GTF2H1: variants seen among roughly 807,000 people sequenced by gnomAD.
The protein encoded by GTF2H1 is BTF2 p62.
Under a neutral mutation model 71.2 loss-of-function variants are expected in GTF2H1, and 16 were observed. The ratio of observed to expected loss-of-function variants is 0.22; its 90% CI spans 0.15 to 0.34. GTF2H1 has a LOEUF of 0.34. GTF2H1 is among the 10% of genes least tolerant of loss of function. The pLI, the probability that GTF2H1 is intolerant of heterozygous loss-of-function variation, is 1.00. For synonymous variants in GTF2H1, 215 were observed against 219.0 expected (o/e 0.98, Z 0.16); for missense variants, 498 against 648.2 (o/e 0.77, Z 2.52).
chr11:18,365,087 A>AG (rs1413946456), intron 14 of GTF2H1, among the ~76,000 whole-genome samples: 3 of 151,100 alleles, frequency 2.0e-5, no homozygotes, highest in African/African-American at 7.3e-5. Context: ...AGAAAAAAAA[A>AG]AAAAACCTGG....
intron 2 of GTF2H1, among the ~76,000 whole-genome samples, chr11:18,334,542 G>T (rs1864979797): frequency 6.6e-6 from 1 of 152,210 alleles, no homozygotes; most frequent in African/African-American, 2.4e-5. Flanking sequence ...CGCACATTGT[G>T]ATAACCACAG....
chr11:18,347,610 C>T lies in GTF2H1; in HGVS notation c.860C>T (p.Pro287Leu). ...CAGGGCTATGGCATTTCCTCTGTGC[C>T]ATCTGCTTCCAATTCTAAATCCATA... ...LDEGYGISSV[P>L]SASNSKSIKE... Residue 287 changes from proline to leucine, a missense_variant, in exon 8 of 15, where the codon CCA becomes CTA. Pro to Leu is a moderately conservative substitution (Grantham distance 98). Around this residue, in one of 3 missense-constraint regions of GTF2H1, gnomAD observed 16 missense variants for 40.5 expected, o/e 0.40. Coordinates refer to ENST00000265963, the MANE Select transcript of GTF2H1 (RefSeq NM_005316.4). 6.2e-7 allele frequency: 1 copy of T among 1,610,588 alleles called. No homozygotes were observed. The highest frequency in any genetic ancestry group is 8.5e-7 in the Non-Finnish European group (1 of 1,177,214).
At chr11:18,336,057 TTTTG>T (rs1475477399) in intron 3 of GTF2H1, 111 bp downstream of exon 3, 21 of 708,274 alleles carry the variant, frequency 3.0e-5, no homozygotes, top group Middle Eastern at 2.9e-4. Flanking sequence ...GGTTTTGGTT[TTTTG>T]TTGTTGTCGT....
intron 1 of GTF2H1, among the ~76,000 whole-genome samples, chr11:18,323,135 C>T (rs895649935): frequency 6.6e-5 from 10 of 152,152 alleles, no homozygotes; most frequent in African/African-American, 1.7e-4. Flanking sequence ...GTCAATCTTA[C>T]CTCTCTTAAA....
rs1194970658 is a variant in GTF2H1, at chr11:18,347,601, C to T, written c.851C>T (p.Ser284Phe). The T allele has an allele frequency of 1.2e-6, 2 of 1,608,574 alleles. No individual in the cohort carries two copies. The highest frequency in any genetic ancestry group is 2.2e-5 in the South Asian group (2 of 90,646). ...DKPLDEGYGI[S>F]SVPSASNSKS... ...TATTTCTCACAGGGCTATGGCATTTCCTCTGTGCCATCTGCTTCCAATTCT... is the reference window on the plus strand; with the variant it reads ...TATTTCTCACAGGGCTATGGCATTTTCTCTGTGCCATCTGCTTCCAATTCT... Residue 284 changes from serine to phenylalanine, a missense_variant, in exon 8 of 15, where the codon TCC becomes TTC. Around this residue, in one of 3 missense-constraint regions of GTF2H1, gnomAD observed 16 missense variants for 40.5 expected, o/e 0.40. Transcript: ENST00000265963.
Position 18,346,733 on chromosome 11 carries a change from C to CTTTTTTTTTTTTTT in GTF2H1, c.838-846_838-833dup, listed in dbSNP as rs35494754. On this transcript the variant is annotated intron_variant, in intron 7 of 14. Coordinates refer to ENST00000265963, the MANE Select transcript of GTF2H1 (RefSeq NM_005316.4). ...CACTATATTCTATTCTTTTTATTTA[C>CTTTTTTTTTTTTTT]TTTTTTTTTTTTTTTTTTTTTTGAG... is the stretch of plus-strand genomic sequence containing the variant. Among the ~76,000 whole-genome samples the CTTTTTTTTTTTTTT allele has an allele frequency of 5.6e-4, 48 of 85,222 alleles. 1 individual carries two copies. Among genetic ancestry groups the CTTTTTTTTTTTTTT allele is most frequent in the East Asian group, 2.1e-3 (5 of 2,430 alleles). 55.9% of individuals were successfully genotyped at this position (85,222 alleles called of 152,430 possible).
chr11:18,330,880 G>C (rs1864878238), intron 1 of GTF2H1, among the ~76,000 whole-genome samples: 1 of 152,048 alleles, frequency 6.6e-6, no homozygotes, highest in African/African-American at 2.4e-5. Context: ...TTTCCTTTCT[G>C]TTCTCGGGAT....
At chr11:18,331,474 C>G (rs1021328254) in intron 1 of GTF2H1, among the ~76,000 whole-genome samples, 2 of 152,094 alleles carry the variant, frequency 1.3e-5, no homozygotes, top group Non-Finnish European at 2.9e-5. Context: ...CGAGACCAGC[C>G]TGACCAACAT....
At position 18,341,283 on chromosome 11, in the gene GTF2H1, T is replaced by C; in HGVS notation, c.630T>C (p.Asn210=). Residue 210 remains asparagine (N), a synonymous_variant, in exon 6 of 15, where the codon AAT becomes AAC. Transcript: ENST00000265963. ...CAGTAAAAATGAAATATGCAGAAAA[T>C]GTTCCCCACAACATGACAGAGAAGG... The part of the protein sequence containing the change: ...YPAVKMKYAE[N]VPHNMTEKEF... The C allele has an allele frequency of 6.2e-7, 1 of 1,611,784 alleles. No homozygotes were observed. The highest frequency in any genetic ancestry group is 1.1e-5 in the South Asian group (1 of 90,366).
chr11:18,363,397 G>A (rs138844796), intron 14 of GTF2H1, among the ~76,000 whole-genome samples: 10 of 152,094 alleles, frequency 6.6e-5, no homozygotes, highest in Non-Finnish European at 2.9e-5. Flanking sequence ...CCCTACAAAC[G>A]AGTGAATAAT....
intron 4 of GTF2H1, among the ~76,000 whole-genome samples, chr11:18,339,270 CTA>C (rs1865102003): frequency 6.6e-6 from 1 of 152,114 alleles, no homozygotes; most frequent in South Asian, 2.1e-4. Flanking sequence ...ATTTTTATGA[CTA>C]TACAAGTTTT....
At chr11:18,329,213 T>C (rs1349428654) in intron 1 of GTF2H1, among the ~76,000 whole-genome samples, 1 of 152,204 alleles carries the variant, frequency 6.6e-6, no homozygotes, top group Admixed American at 6.5e-5. Context: ...TTAAAAGCAG[T>C]CATCTAATCG....
intron 7 of GTF2H1, among the ~76,000 whole-genome samples, chr11:18,342,899 C>T (rs1226064188): frequency 6.6e-6 from 1 of 151,790 alleles, no homozygotes; most frequent in African/African-American, 2.4e-5. Flanking sequence ...ATTTCTAGGC[C>T]CTGTTTGGTT....
At chr11:18,336,047 G>T in intron 3 of GTF2H1, 101 bp downstream of exon 3, 8 of 807,518 alleles carry the variant, frequency 9.9e-6, no homozygotes, top group South Asian at 7.6e-5. Flanking sequence ...TTTCGGTTTT[G>T]GTTTTGGTTT....
chr11:18,358,208 T>G, intron 12 of GTF2H1, 166 bp downstream of exon 12: 2 of 620,248 alleles, frequency 3.2e-6, no homozygotes, highest in Non-Finnish European at 5.8e-6. Flanking sequence ...CTAGACAAGA[T>G]CTTAGGTTTC....
intron 4 of GTF2H1, among the ~76,000 whole-genome samples, chr11:18,339,324 T>A (rs947890562): frequency 6.6e-5 from 10 of 152,224 alleles, no homozygotes; most frequent in African/African-American, 2.4e-4. Flanking sequence ...TACTTAAACA[T>A]GCCTATTTGA....
At chr11:18,332,014 C>T (rs535572270) in intron 1 of GTF2H1, among the ~76,000 whole-genome samples, 31 of 152,054 alleles carry the variant, frequency 2.0e-4, no homozygotes, top group Non-Finnish European at 3.8e-4. Flanking sequence ...TTTGTACAGA[C>T]GGGGTCTCAC....
rs1565009711 is a variant in GTF2H1 at position 18,341,296 on chromosome 11, A to G, written c.643A>G (p.Met215Val). 4 of 1,613,674 alleles carry G rather than the reference A, an allele frequency of 2.5e-6. No homozygotes were observed. The highest frequency in any genetic ancestry group is 3.4e-6 in the Non-Finnish European group (4 of 1,179,868). Residue 215 changes from methionine to valine, a missense_variant, in exon 6 of 15, where the codon ATG becomes GTG. Coordinates refer to ENST00000265963, the MANE Select transcript of GTF2H1 (RefSeq NM_005316.4). ...MKYAENVPHNMTEKEFWTRFF... is the reference protein window; with the variant it reads ...MKYAENVPHNVTEKEFWTRFF... ...ATATGCAGAAAATGTTCCCCACAAC[A>G]TGACAGAGAAGGAATTCTGGACACG...
chr11:18,351,227 G>GAAAAAA (rs570927805), intron 9 of GTF2H1, among the ~76,000 whole-genome samples: 18 of 140,688 alleles, frequency 1.3e-4, no homozygotes, highest in African/African-American at 5.2e-4. Flanking sequence ...TATGCGCCTA[G>GAAAAAA]AAAAAAAAAA....
Sources: allele counts gnomAD v4.1 joint callset (sites outside exome capture counted in the v4.1 genomes callset), GRCh38; gene constraint gnomAD v4.1.1; regional missense constraint gnomAD v4.1.1; transcripts MANE v1.5; gene names NCBI Gene and HGNC (gene_info 2026-07-23, HGNC 2026-07-21).